ATL1: variants seen among roughly 807,000 people sequenced by gnomAD.
ATL1 encodes atlastin GTPase 1.
Under a neutral mutation model 75.5 loss-of-function variants are expected in ATL1, and 31 were observed. The ratio of observed to expected loss-of-function variants is 0.41; its 90% CI spans 0.31 to 0.55. The LOEUF (loss-of-function observed/expected upper bound fraction) is 0.55, where lower values mean the gene tolerates loss of function less well. Among genes scored for constraint, ATL1 ranks in the 20% least tolerant of loss-of-function variants. The pLI, the probability that ATL1 is intolerant of heterozygous loss-of-function variation, is 0.27. For synonymous variants in ATL1, 226 were observed against 233.3 expected (o/e 0.97, Z 0.28); for missense variants, 405 against 662.6 (o/e 0.61, Z 4.27).
intron 11 of ATL1, 65 bp downstream of exon 11, chr14:50,623,313 C>T: frequency 7.5e-7 from 1 of 1,332,048 alleles, no homozygotes; most frequent in Non-Finnish European, 1.1e-6. Flanking sequence ...AACTCATTCT[C>T]TTTTTTCTTC....
chr14:50,578,833 T>C lies in ATL1; in HGVS notation c.35-8998T>C, dbSNP rs370796505. 1.1e-3 allele frequency among the ~76,000 whole-genome samples: 170 copies of C among 152,336 alleles called. 2 individuals are homozygous for C. In the South Asian group the frequency reaches 0.033, roughly 30 times the overall value. On this transcript the variant is annotated intron_variant, in intron 1 of 13. Coordinates refer to ENST00000358385, the MANE Select transcript of ATL1 (RefSeq NM_015915.5). ...AATGAATTCTTTGAAATAGCATTGC[T>C]GGGTCAGGAATACATATATTTGTGT... is the stretch of plus-strand genomic sequence containing the variant.
At chr14:50,627,700 T>C (rs1272481550) in intron 11 of ATL1, among the ~76,000 whole-genome samples, 2 of 152,254 alleles carry the variant, frequency 1.3e-5, no homozygotes, top group African/African-American at 4.8e-5. Context: ...TTCTTAGATT[T>C]GGATTCATTC....
chr14:50,567,041 T>C (rs1490535036), intron 1 of ATL1, among the ~76,000 whole-genome samples: 1 of 152,158 alleles, frequency 6.6e-6, no homozygotes, highest in Non-Finnish European at 1.5e-5. Flanking sequence ...ACAAGTAAAA[T>C]ATTGTTGTGT....
intron 6 of ATL1, among the ~76,000 whole-genome samples, chr14:50,600,755 G>A (rs1434102357): frequency 2.0e-5 from 3 of 152,000 alleles, no homozygotes; most frequent in Non-Finnish European, 4.4e-5. Context: ...TTTAAACATT[G>A]CCTGAGAAAG....
intron 1 of ATL1, among the ~76,000 whole-genome samples, chr14:50,560,730 C>G (rs985838890): frequency 1.3e-5 from 2 of 152,214 alleles, no homozygotes; most frequent in African/African-American, 4.8e-5. Flanking sequence ...CCCCAACCCC[C>G]CTCCCCGGGA....
At chr14:50,545,687 C>T (rs967729511) in intron 1 of ATL1, among the ~76,000 whole-genome samples, 3 of 152,122 alleles carry the variant, frequency 2.0e-5, no homozygotes, top group Admixed American at 6.5e-5. Flanking sequence ...GTTAGAAAGG[C>T]ACATGCGAGT....
At chr14:50,543,184 T>C (rs957768222) in intron 1 of ATL1, among the ~76,000 whole-genome samples, 4 of 152,244 alleles carry the variant, frequency 2.6e-5, no homozygotes, top group Non-Finnish European at 5.9e-5. Context: ...AAGCTAACAT[T>C]AGATTCAACA....
At chr14:50,576,308 A>T (rs1378427641) in intron 1 of ATL1, among the ~76,000 whole-genome samples, 3 of 152,126 alleles carry the variant, frequency 2.0e-5, no homozygotes, top group African/African-American at 7.2e-5. Context: ...TCAACGTATG[A>T]TGGTTTTATC....
At chr14:50,631,102 T>C (rs1250070878) in intron 13 of ATL1, 1 of 280,716 alleles carries the variant, frequency 3.6e-6, no homozygotes, top group Non-Finnish European at 7.0e-6. Context: ...CTACTAAAAA[T>C]ACAAAAAATT....
intron 1 of ATL1, among the ~76,000 whole-genome samples, chr14:50,564,647 C>CAAAAAAAAAAAAAAAAAAAAAAA (rs60054322): frequency 2.5e-5 from 1 of 40,004 alleles, no homozygotes; most frequent in Non-Finnish European, 4.1e-5. Context: ...GATTCCGTCT[C>CAAAAAAAAAAAAAAAAAAAAAAA]AAAAAAAAAA....
Position 50,595,558 on chromosome 14 carries a change from G to C in ATL1, c.574-18G>C. The C allele has an allele frequency of 6.2e-7, 1 of 1,612,960 alleles. No individual in the cohort carries two copies. The highest frequency in any genetic ancestry group is 1.1e-5 in the South Asian group (1 of 91,058). ...TCTCTCTCTCTGTGTATGTGTGTGTGTGTAATTTTTTTTCTAGCTTTTCAC... is the reference window on the plus strand; with the variant it reads ...TCTCTCTCTCTGTGTATGTGTGTGTCTGTAATTTTTTTTCTAGCTTTTCAC... On this transcript the variant is annotated intron_variant, in intron 5 of 13. Transcript: ENST00000358385.
In ATL1 at chr14:50,621,541, G is replaced by A. The variant is rs557509259; in HGVS notation, c.991-302G>A. Among the ~76,000 whole-genome samples, 36 of 152,204 alleles carry A rather than the reference G, an allele frequency of 2.4e-4. 1 individual carries two copies. Among genetic ancestry groups the A allele is most frequent in the African/African-American group, 6.7e-4 (28 of 41,508 alleles). On this transcript the variant is annotated intron_variant, in intron 9 of 13. Transcript: ENST00000358385. The stretch of plus-strand genomic sequence containing the variant: ...ACATCAGCAGGGTACAGATTCCTGC[G>A]GGTAACTGAAAAGGGCGTTACTCCC...
chr14:50,541,506 A>G (rs2038559476), intron 1 of ATL1, among the ~76,000 whole-genome samples: 1 of 152,202 alleles, frequency 6.6e-6, no homozygotes, highest in Non-Finnish European at 1.5e-5. Flanking sequence ...GAGACAATGT[A>G]CTGCATTTGC....
chr14:50,621,812 C>A (rs375741565), intron 9 of ATL1, 31 bp from the exon 10 acceptor site: 1 of 1,396,112 alleles, frequency 7.2e-7, no homozygotes, highest in Non-Finnish European at 1.0e-6. Flanking sequence ...AATGGAATTG[C>A]TTGAACATGA....
In ATL1 at chr14:50,546,379, T is replaced by C. The variant is rs535408344; in HGVS notation, c.-140+13012T>C. Among the ~76,000 whole-genome samples, 44 of 151,996 alleles carry C rather than the reference T, an allele frequency of 2.9e-4. No individual in the cohort carries two copies. In the East Asian group the frequency reaches 6.0e-3, roughly 21 times the overall value. ...AAAAGGTACTGGGTGTGTGTGTGTG[T>C]GCGTGTGTGTGTGTGAGAGAGCATA... On this transcript the variant is annotated intron_variant, in intron 1 of 13. Transcript: ENST00000441560.
intron 1 of ATL1, among the ~76,000 whole-genome samples, chr14:50,550,597 G>A (rs368624711): frequency 2.6e-5 from 4 of 152,194 alleles, no homozygotes; most frequent in African/African-American, 7.2e-5. Context: ...TGTCTCTGCA[G>A]GAAGGCCTGA....
In ATL1 at chr14:50,560,188, A is replaced by G. The variant is rs752308978; in HGVS notation, c.-78A>G. On this transcript the variant is annotated 5_prime_UTR_variant, in exon 1 of 14. Coordinates refer to ENST00000358385, the MANE Select transcript of ATL1 (RefSeq NM_015915.5). Reference sequence around the variant, plus strand: ...GCCCAGCGCGGGCACGGAGCCTCCCACCGCCAGCAACCTGCGGCCCCGGAG... The same window carrying G: ...GCCCAGCGCGGGCACGGAGCCTCCCGCCGCCAGCAACCTGCGGCCCCGGAG... The G allele has an allele frequency of 1.1e-5, 18 of 1,578,746 alleles. No homozygotes were observed. Among genetic ancestry groups the G allele is most frequent in the Middle Eastern group, 1.7e-4 (1 of 6,008 alleles).
chr14:50,570,612 T>C (rs1325886840), intron 1 of ATL1, among the ~76,000 whole-genome samples: 2 of 152,218 alleles, frequency 1.3e-5, no homozygotes, highest in Non-Finnish European at 2.9e-5. Flanking sequence ...TTGTATGTCA[T>C]TTTCTTGACT....
intron 1 of ATL1, among the ~76,000 whole-genome samples, chr14:50,546,393 T>A (rs930691934): frequency 1.3e-5 from 2 of 151,676 alleles, no homozygotes; most frequent in East Asian, 1.9e-4. Context: ...TGTGTGTGTG[T>A]GAGAGAGCAT....
Sources: allele counts gnomAD v4.1 joint callset (sites outside exome capture counted in the v4.1 genomes callset), GRCh38; gene constraint gnomAD v4.1.1; transcripts MANE v1.5; gene names NCBI Gene and HGNC (gene_info 2026-07-23, HGNC 2026-07-21).